Variants in LEKR1 observed in about 807,000 individuals in gnomAD.
The protein encoded by LEKR1 is leucine, glutamate and lysine rich 1, also known as protein LEKR1.
A neutral mutation model predicts 72.4 loss-of-function variants in LEKR1; 59 were observed. The observed-to-expected ratio is 0.82, with a 90% CI of 0.66 to 1.01. The LOEUF is 1.01. Ranked by LOEUF, LEKR1 falls within the 50% of genes least tolerant of loss-of-function variation. The pLI, the probability that LEKR1 is intolerant of heterozygous loss-of-function variation, is 0.00. For missense variants in LEKR1, 728 were observed against 759.2 expected (o/e 0.96, Z 0.48); for synonymous variants, 257 against 263.2 (o/e 0.98, Z 0.23).
intron 2 of LEKR1, among the ~76,000 whole-genome samples, chr3:156,829,706 C>T (rs1712114506): frequency 6.6e-6 from 1 of 152,124 alleles, no homozygotes; most frequent in Non-Finnish European, 1.5e-5. Context: ...ATGGTTTGAC[C>T]AACATTAATT....
chr3:156,947,608 G>A (rs775084067), intron 6 of LEKR1, among the ~76,000 whole-genome samples: 3 of 150,900 alleles, frequency 2.0e-5, no homozygotes, highest in Admixed American at 6.6e-5. Flanking sequence ...CCAGAACCCC[G>A]TCGTAATTGG....
intron 12 of LEKR1, among the ~76,000 whole-genome samples, chr3:157,044,611 G>A (rs1468323873): frequency 6.6e-6 from 1 of 152,164 alleles, no homozygotes; most frequent in African/African-American, 2.4e-5. Context: ...GACATAAAAG[G>A]CAGTTCTGCT....
chr3:156,869,855 C>T (rs1171206071), intron 3 of LEKR1, among the ~76,000 whole-genome samples: 1 of 151,954 alleles, frequency 6.6e-6, no homozygotes, highest in African/African-American at 2.4e-5. Context: ...ACACTTAAGT[C>T]TTTAGTCCAT....
At chr3:157,018,193 G>T (rs140304872) in intron 10 of LEKR1, among the ~76,000 whole-genome samples, 1 of 152,082 alleles carries the variant, frequency 6.6e-6, no homozygotes, top group African/African-American at 2.4e-5. Context: ...AAATTCACTA[G>T]TTAGAGCCTA....
At chr3:156,833,011 C>T (rs1422568406) in intron 2 of LEKR1, among the ~76,000 whole-genome samples, 1 of 152,124 alleles carries the variant, frequency 6.6e-6, no homozygotes, top group Non-Finnish European at 1.5e-5. Flanking sequence ...GGAGAAATCA[C>T]GTAGAGAGAA....
intron 9 of LEKR1, among the ~76,000 whole-genome samples, chr3:157,006,977 G>A (rs746704507): frequency 7.2e-5 from 11 of 152,062 alleles, no homozygotes; most frequent in Non-Finnish European, 1.3e-4. Context: ...CGAGGTGGGC[G>A]GATCATAAGG....
chr3:156,872,901 A>G (rs1407830565), intron 3 of LEKR1, among the ~76,000 whole-genome samples: 1 of 152,060 alleles, frequency 6.6e-6, no homozygotes, highest in East Asian at 1.9e-4. Flanking sequence ...TGCTGGTGAG[A>G]AGAATGTGTA....
intron 2 of LEKR1, among the ~76,000 whole-genome samples, chr3:156,831,238 A>G (rs1008982953): frequency 2.0e-5 from 3 of 152,100 alleles, no homozygotes; most frequent in Non-Finnish European, 4.4e-5. Flanking sequence ...AGCCTGAAAA[A>G]ACATCTCAAA....
chr3:156,848,804 G>T (rs1371366828), intron 2 of LEKR1, among the ~76,000 whole-genome samples: 1 of 152,140 alleles, frequency 6.6e-6, no homozygotes, highest in Non-Finnish European at 1.5e-5. Context: ...AAGACATAAA[G>T]CTTAGAATTT....
chr3:156,904,872 G>A (rs997756629), intron 3 of LEKR1, among the ~76,000 whole-genome samples: 1 of 151,738 alleles, frequency 6.6e-6, no homozygotes, highest in African/African-American at 2.4e-5. Flanking sequence ...TCTGCACCAG[G>A]AAAACTTAAG....
At chr3:157,036,535 A>G (rs1734979360) in intron 12 of LEKR1, among the ~76,000 whole-genome samples, 1 of 152,180 alleles carries the variant, frequency 6.6e-6, no homozygotes, top group Non-Finnish European at 1.5e-5. Flanking sequence ...GTTCTCAAAA[A>G]TGATACTACC....
chr3:156,921,979 G>A (rs1329645326), intron 4 of LEKR1, among the ~76,000 whole-genome samples: 1 of 152,072 alleles, frequency 6.6e-6, no homozygotes, highest in Non-Finnish European at 1.5e-5. Context: ...ACTTTTAACA[G>A]CTTATTTTGT....
At chr3:156,910,634 T>C (rs1380075914) in intron 3 of LEKR1, among the ~76,000 whole-genome samples, 6 of 152,194 alleles carry the variant, frequency 3.9e-5, no homozygotes, top group Admixed American at 3.3e-4. Context: ...GATAATGGAC[T>C]CCAGCTGCAT....
intron 5 of LEKR1, among the ~76,000 whole-genome samples, chr3:156,932,796 C>T (rs896028102): frequency 4.6e-5 from 7 of 151,502 alleles, no homozygotes; most frequent in Admixed American, 6.6e-5. Context: ...TTTGGGAGGC[C>T]GCGGCAGGCG....
intron 10 of LEKR1, among the ~76,000 whole-genome samples, chr3:157,015,429 C>T (rs2321458): frequency 0.089 from 13,510 of 152,160 alleles, 658 homozygotes; most frequent in African/African-American, 0.12. Flanking sequence ...ACTGGTAAAC[C>T]TGTAATTTAT....
chr3:156,959,368 A>G (rs1291327301), intron 6 of LEKR1, among the ~76,000 whole-genome samples: 1 of 152,208 alleles, frequency 6.6e-6, no homozygotes, highest in Non-Finnish European at 1.5e-5. Flanking sequence ...TAATAATCAT[A>G]AGTTCAATTC....
At chr3:156,878,680 G>A (rs1249778544) in intron 3 of LEKR1, among the ~76,000 whole-genome samples, 1 of 152,024 alleles carries the variant, frequency 6.6e-6, no homozygotes, top group Non-Finnish European at 1.5e-5. Flanking sequence ...TTGTTTCTTT[G>A]TTGACTTTCT....
chr3:156,955,114 T>A (rs1727506358), intron 6 of LEKR1, among the ~76,000 whole-genome samples: 1 of 151,894 alleles, frequency 6.6e-6, no homozygotes, highest in African/African-American at 2.4e-5. Context: ...AAATTTTTTT[T>A]ATAGTAGTTG....
chr3:156,935,174 A>G (rs891681271), intron 5 of LEKR1, among the ~76,000 whole-genome samples: 5 of 152,202 alleles, frequency 3.3e-5, no homozygotes, highest in Non-Finnish European at 5.9e-5. Context: ...CCATTATAGT[A>G]TATCACTTTT....
Sources: gnomAD v4.1 joint callset for allele counts (sites outside exome capture counted in the v4.1 genomes callset) on GRCh38, gnomAD v4.1.1 for gene constraint, MANE v1.5 for transcripts, NCBI Gene and HGNC (gene_info 2026-07-23, HGNC 2026-07-21) for gene names.